The following SRPRB variants were observed in gnomAD, a reference collection of about 807,000 sequenced individuals.
SRPRB encodes the protein SRP receptor subunit beta, also known as signal recognition particle receptor subunit beta.
SRPRB carries 20 observed loss-of-function variants against 31.9 expected under a neutral mutation model. The ratio of observed to expected loss-of-function variants is 0.63; its 90% CI spans 0.44 to 0.91. SRPRB has a LOEUF of 0.91. SRPRB is among the 40% of genes least tolerant of loss of function. The pLI, the probability that SRPRB is intolerant of heterozygous loss-of-function variation, is 0.00. For missense variants in SRPRB, 321 were observed against 324.9 expected (o/e 0.99, Z 0.09); for synonymous variants, 146 against 132.8 (o/e 1.10, Z -0.68).
intron 1 of SRPRB, chr3:133,790,168 T>C (rs1011178162): frequency 4.6e-5 from 7 of 152,202 alleles, no homozygotes; most frequent in Admixed American, 1.3e-4. Context: ...GTGTAAAGTC[T>C]TAAAATCATT....
chr3:133,825,553 C>G (rs1417088371), downstream of SRPRB: 1 of 152,256 alleles, frequency 6.6e-6, no homozygotes, highest in Non-Finnish European at 1.5e-5. Context: ...GATCACACAA[C>G]TGCAGCCATG....
chr3:133,809,501 A>G (rs1049791896), intron 3 of SRPRB, among the ~76,000 whole-genome samples: 3 of 151,878 alleles, frequency 2.0e-5, no homozygotes, highest in Admixed American at 6.5e-5. Context: ...TTTTTTTTCA[A>G]TGATGACACT....
At chr3:133,797,227 CTT>C (rs1934990186) in intron 1 of SRPRB, among the ~76,000 whole-genome samples, 2 of 152,164 alleles carry the variant, frequency 1.3e-5, no homozygotes, top group Non-Finnish European at 2.9e-5. Context: ...ATTGAGTACA[CTT>C]TGTGTTAAAA....
At position 133,798,370 on chromosome 3, in the gene SRPRB, G is replaced by C. The variant is rs144921985; in HGVS notation, c.-173-7306G>C. Among the ~76,000 whole-genome samples, 20 of 152,308 alleles carry C rather than the reference G, an allele frequency of 1.3e-4. No individual in the cohort carries two copies. The East Asian group carries it at 3.7e-3, about 28-fold the overall frequency. On this transcript the variant is annotated intron_variant, in intron 1 of 7. Transcript: ENST00000466490. ...CTATAGGAATACATTAAGTAATTCA[G>C]TGAAAATATGCCTTCTTGCTAATAT...
rs761896290 is a variant in SRPRB, at chr3:133,819,758, A to G, written c.808A>G (p.Ile270Val). Reference protein sequence around the residue: ...IQDLEKWLAKIA With the variant: ...IQDLEKWLAKVA The stretch of plus-strand genomic sequence containing the variant: ...GGACTTGGAGAAATGGCTGGCTAAA[A>G]TTGCCTGAGAGGCAGCTCTAAAGCA... Residue 270 changes from isoleucine (I) to valine (V), a missense_variant, in exon 7 of 7, where the codon ATT (isoleucine) becomes GTT (valine). Physicochemically the swap from Ile to Val is conservative, Grantham distance 29. Transcript: ENST00000678299. 2.7e-5 allele frequency: 43 copies of G among 1,613,882 alleles called. No homozygotes were observed. The highest frequency in any genetic ancestry group is 3.4e-5 in the Non-Finnish European group (40 of 1,179,996).
intron 3 of SRPRB, among the ~76,000 whole-genome samples, chr3:133,809,592 C>T (rs1935222959): frequency 6.6e-6 from 1 of 151,892 alleles, no homozygotes; most frequent in Non-Finnish European, 1.5e-5. Context: ...AGTACCTGCA[C>T]TAGATTTTTA....
upstream of SRPRB, among the ~76,000 whole-genome samples, chr3:133,804,288 A>C (rs1328891613): frequency 6.6e-6 from 1 of 151,646 alleles, no homozygotes; most frequent in African/African-American, 2.4e-5. Flanking sequence ...GTCCCTGTGC[A>C]TGGTGAGGTT....
downstream of SRPRB, chr3:133,824,752 T>C (rs1463925077): frequency 1.3e-5 from 2 of 152,218 alleles, no homozygotes; most frequent in African/African-American, 2.4e-5. Context: ...CTCACTCATA[T>C]GCTGGGAAGA....
At chr3:133,817,467 G>A (rs972477033) in intron 6 of SRPRB, among the ~76,000 whole-genome samples, 2 of 152,160 alleles carry the variant, frequency 1.3e-5, no homozygotes, top group Non-Finnish European at 2.9e-5. Flanking sequence ...TAGCTTCTTA[G>A]ATTGTTAAAA....
At position 133,806,614 on chromosome 3, in the gene SRPRB, T is replaced by C. The variant is rs147764661; in HGVS notation, c.160T>C (p.Trp54Arg). Reference sequence around the variant, plus strand: ...TTTCTCTGTCTATTCCACAGTCTTCTGGAAGTTAATCCGGAGCAGAAGGAG... The same window carrying C: ...TTTCTCTGTCTATTCCACAGTCTTCCGGAAGTTAATCCGGAGCAGAAGGAG... ...VLAVLLTLVF[W>R]KLIRSRRSSQ... is the part of the protein sequence containing the mutation. The change falls in exon 2 of 7, where the codon TGG (tryptophan) becomes CGG (arginine). Residue 54 changes from tryptophan (W) to arginine (R), a missense_variant. Trp to Arg is a moderately radical substitution (Grantham distance 101). Transcript: ENST00000678299. The C allele has an allele frequency of 4.8e-5, 77 of 1,613,934 alleles. No individual in the cohort carries two copies. The African/African-American group carries it at 8.3e-4, about 17-fold the overall frequency.
intron 5 of SRPRB, 62 bp downstream of exon 5, chr3:133,815,788 T>G: frequency 1.3e-6 from 2 of 1,560,722 alleles, no homozygotes; most frequent in Non-Finnish European, 1.8e-6. Context: ...TACTAAGAAT[T>G]ATTTCCATTA....
downstream of SRPRB, among the ~76,000 whole-genome samples, chr3:133,823,094 C>T (rs182864859): frequency 2.0e-5 from 3 of 152,344 alleles, no homozygotes; most frequent in East Asian, 5.8e-4. Context: ...TCCATCACTG[C>T]TGCACTTGAC....
At chr3:133,828,115 G>T, downstream of SRPRB, 5 of 636,764 alleles carry the variant, frequency 7.9e-6, no homozygotes, top group East Asian at 2.7e-5. Context: ...GTTCCTCTGG[G>T]GGCTGCTGCC....
At chr3:133,806,109 C>A in intron 1 of SRPRB, 107 bp downstream of exon 1, 1 of 1,426,154 alleles carries the variant, frequency 7.0e-7, no homozygotes, top group South Asian at 1.4e-5. Flanking sequence ...GCCTTGAGGG[C>A]ATCAGGAGGG....
intron 1 of SRPRB, chr3:133,795,760 T>C (rs1934952672): frequency 6.6e-6 from 1 of 152,158 alleles, no homozygotes; most frequent in South Asian, 2.1e-4. Flanking sequence ...GTATTTTTAG[T>C]GGAGACGGGG....
intron 2 of SRPRB, 43 bp from the exon 3 acceptor site, chr3:133,807,703 G>A (rs780898767): frequency 7.8e-7 from 1 of 1,274,380 alleles, no homozygotes; most frequent in Non-Finnish European, 1.1e-6. Flanking sequence ...ATTTAGGTGT[G>A]CTATTAAAAT....
chr3:133,821,515 A>AT (rs1459279396), downstream of SRPRB: 2 of 151,972 alleles, frequency 1.3e-5, no homozygotes, highest in Admixed American at 6.6e-5. Context: ...AGCCTCTTTT[A>AT]TTTTTTTCTG....
At chr3:133,804,447 C>A (rs1218279145), upstream of SRPRB, among the ~76,000 whole-genome samples, 2 of 152,076 alleles carry the variant, frequency 1.3e-5, 1 homozygote, top group African/African-American at 4.8e-5. Context: ...TAAAGGAAGA[C>A]AAAGATTTTT....
rs747992794 is a variant in SRPRB at position 133,807,790 on chromosome 3, C to T, written c.294C>T (p.Asp98=). 6.8e-6 allele frequency: 11 copies of T among 1,612,908 alleles called. No homozygotes were observed. Among genetic ancestry groups the T allele is most frequent in the African/African-American group, 2.7e-5 (2 of 74,964 alleles). Residue 98 remains aspartate, a synonymous_variant, in exon 3 of 7, where the codon GAC becomes GAT. Transcript: ENST00000678299. The part of the protein sequence containing the change: ...LYRDTQTSIT[D]SCAVYRVNNN... ...GAGACACTCAGACGTCCATTACTGA[C>T]AGCTGTGCTGTATACAGAGTCAACA...
Sources: allele counts gnomAD v4.1 joint callset (sites outside exome capture counted in the v4.1 genomes callset), GRCh38; gene constraint gnomAD v4.1.1; transcripts MANE v1.5; gene names NCBI Gene and HGNC (gene_info 2026-07-23, HGNC 2026-07-21).